Variants in PCDH15 observed in about 807,000 individuals in gnomAD.
The protein encoded by PCDH15 is protocadherin related 15.
PCDH15 carries 129 observed loss-of-function variants against 178.5 expected under a neutral mutation model. The observed-to-expected ratio is 0.72, with a 90% CI of 0.63 to 0.84. PCDH15 has a LOEUF of 0.84. PCDH15 is among the 40% of genes least tolerant of loss of function. The pLI is 0.00. For synonymous variants in PCDH15, 800 were observed against 732.0 expected (o/e 1.09, Z -1.50); for missense variants, 2,230 against 2,099.9 (o/e 1.06, Z -1.21).
At chr10:54,309,431 A>G (rs574013079) in intron 8 of PCDH15, among the ~76,000 whole-genome samples, 2 of 152,102 alleles carry the variant, frequency 1.3e-5, no homozygotes, top group African/African-American at 4.8e-5. Flanking sequence ...ATTCATATTT[A>G]TATTCAATGA....
chr10:54,804,241 A>T (rs1028552194), upstream of PCDH15, among the ~76,000 whole-genome samples: 1 of 152,038 alleles, frequency 6.6e-6, no homozygotes, highest in African/African-American at 2.4e-5. Context: ...GGGTTTCACC[A>T]TGTTAGCCAG....
chr10:54,652,854 A>C (rs902308361), intron 2 of PCDH15, among the ~76,000 whole-genome samples: 6 of 152,180 alleles, frequency 3.9e-5, no homozygotes. Context: ...CGGCATTCCT[A>C]GTAAAAGGAC....
chr10:55,328,881 T>C (rs559560993), intron 2 of PCDH15, among the ~76,000 whole-genome samples: 2 of 141,762 alleles, frequency 1.4e-5, no homozygotes, highest in South Asian at 2.2e-4. Context: ...ACCCCACAGA[T>C]TGTGAAAGAT....
At chr10:54,308,954 T>C (rs1337660400) in intron 8 of PCDH15, among the ~76,000 whole-genome samples, 3 of 152,086 alleles carry the variant, frequency 2.0e-5, no homozygotes. Context: ...GTGTTATTTA[T>C]CATTTGTTTC....
intron 2 of PCDH15, among the ~76,000 whole-genome samples, chr10:55,607,273 A>T (rs1442539901): frequency 1.3e-5 from 2 of 151,814 alleles, no homozygotes. Context: ...GATGTGGAGA[A>T]ATAGGAACAG....
At chr10:54,484,446 C>A (rs887430993) in intron 3 of PCDH15, among the ~76,000 whole-genome samples, 1 of 151,896 alleles carries the variant, frequency 6.6e-6, no homozygotes, top group African/African-American at 2.4e-5. Context: ...CCAGCTACAA[C>A]CTCTTCAAAT....
At chr10:55,219,912 A>ACACG (rs71014465) in intron 1 of PCDH15, among the ~76,000 whole-genome samples, 1 of 151,280 alleles carries the variant, frequency 6.6e-6, no homozygotes, top group Non-Finnish European at 1.5e-5. Flanking sequence ...ACACACACAC[A>ACACG]GTGAATTTCC....
At chr10:54,927,192 C>T (rs1837652924) in intron 2 of PCDH15, among the ~76,000 whole-genome samples, 1 of 151,854 alleles carries the variant, frequency 6.6e-6, no homozygotes, top group Non-Finnish European at 1.5e-5. Flanking sequence ...TTATTATTTA[C>T]CCAGAAGTCA....
intron 21 of PCDH15, among the ~76,000 whole-genome samples, chr10:53,991,328 G>T (rs892103790): frequency 2.0e-5 from 3 of 152,156 alleles, no homozygotes; most frequent in Admixed American, 2.0e-4. Flanking sequence ...GATTGTACAT[G>T]CACCAATCAG....
At chr10:55,169,075 C>A (rs1217711610) in intron 1 of PCDH15, among the ~76,000 whole-genome samples, 1 of 152,116 alleles carries the variant, frequency 6.6e-6, no homozygotes, top group African/African-American at 2.4e-5. Context: ...GATATTTCAA[C>A]AGTACCGTTC....
chr10:55,281,919 T>C (rs1293652652), intron 1 of PCDH15, among the ~76,000 whole-genome samples: 2 of 152,162 alleles, frequency 1.3e-5, no homozygotes, highest in Non-Finnish European at 2.9e-5. Flanking sequence ...GAAATATTTA[T>C]AAAAAAGTCT....
intron 1 of PCDH15, among the ~76,000 whole-genome samples, chr10:54,669,438 TTA>T (rs2094622551): frequency 6.6e-6 from 1 of 151,242 alleles, no homozygotes; most frequent in East Asian, 1.9e-4. Flanking sequence ...ATATATAAAA[TTA>T]TGTTACATAG....
intron 7 of PCDH15, among the ~76,000 whole-genome samples, chr10:54,320,010 C>T (rs11004230): frequency 0.47 from 70,571 of 151,696 alleles, 17,772 homozygotes; most frequent in Middle Eastern, 0.6. Flanking sequence ...AGACAGACTG[C>T]GATAAAATTA....
chr10:53,885,289 T>G (rs1297274634), intron 26 of PCDH15, among the ~76,000 whole-genome samples: 1 of 152,114 alleles, frequency 6.6e-6, no homozygotes, highest in African/African-American at 2.4e-5. Flanking sequence ...TTAAGAGAAC[T>G]TCAAGATTTA....
At chr10:55,089,441 T>C (rs921483222) in intron 2 of PCDH15, among the ~76,000 whole-genome samples, 4 of 152,220 alleles carry the variant, frequency 2.6e-5, no homozygotes, top group African/African-American at 9.6e-5. Context: ...TGTTACCACA[T>C]TTTTTTCAAG....
chr10:54,210,739 TTAAC>T (rs1438267010), intron 10 of PCDH15, among the ~76,000 whole-genome samples: 1 of 151,770 alleles, frequency 6.6e-6, no homozygotes, highest in Non-Finnish European at 1.5e-5. Flanking sequence ...GGTGTGCAAG[TTAAC>T]TAGTGAGAGC....
intron 2 of PCDH15, among the ~76,000 whole-genome samples, chr10:55,120,686 A>C (rs1459399819): frequency 6.6e-6 from 1 of 152,216 alleles, no homozygotes; most frequent in Admixed American, 6.5e-5. Context: ...TAATAATCTC[A>C]TGTCCCTTGA....
intron 2 of PCDH15, among the ~76,000 whole-genome samples, chr10:55,073,168 A>G (rs1453797213): frequency 6.6e-5 from 10 of 152,168 alleles, no homozygotes; most frequent in African/African-American, 1.9e-4. Flanking sequence ...AACTGGAAGC[A>G]TTCCCTTTGA....
chr10:55,263,798 G>A (rs1185299834), intron 1 of PCDH15, among the ~76,000 whole-genome samples: 4 of 151,970 alleles, frequency 2.6e-5, no homozygotes, highest in African/African-American at 9.7e-5. Context: ...GCAGTGGTGC[G>A]ATCTCGGCTC....
Sources: allele counts gnomAD v4.1 joint callset (sites outside exome capture counted in the v4.1 genomes callset), GRCh38; gene constraint gnomAD v4.1.1; transcripts MANE v1.5; gene names NCBI Gene and HGNC (gene_info 2026-07-23, HGNC 2026-07-21).